The following ENOX1 variants were observed in gnomAD, a reference collection of about 807,000 sequenced individuals.
ENOX1 encodes ecto-NOX disulfide-thiol exchanger 1.
In ENOX1, 42 loss-of-function variants were observed where a neutral mutation model predicts 82.5. The observed-to-expected ratio is 0.51, with a 90% CI of 0.40 to 0.66. The LOEUF (loss-of-function observed/expected upper bound fraction) is 0.66. Among genes scored for constraint, ENOX1 ranks in the 30% least tolerant of loss-of-function variants. ENOX1 has a pLI of 0.00. For missense variants in ENOX1, 608 were observed against 811.6 expected (o/e 0.75, Z 3.05); for synonymous variants, 271 against 282.2 (o/e 0.96, Z 0.40).
intron 2 of ENOX1, among the ~76,000 whole-genome samples, chr13:43,551,219 G>T (rs2079180953): frequency 6.6e-6 from 1 of 152,060 alleles, no homozygotes; most frequent in South Asian, 2.1e-4. Flanking sequence ...ATTTGTCCAT[G>T]GTGAGGCTTC....
chr13:43,785,946 G>T (rs1189950703), intron 1 of ENOX1, among the ~76,000 whole-genome samples: 3 of 151,982 alleles, frequency 2.0e-5, no homozygotes, highest in African/African-American at 7.2e-5. Context: ...GCGTCCAGCG[G>T]CCGAGGCGCG....
intron 1 of ENOX1, among the ~76,000 whole-genome samples, chr13:43,683,371 T>G (rs2153799041): frequency 6.6e-6 from 1 of 152,102 alleles, no homozygotes; most frequent in South Asian, 2.1e-4. Context: ...AGGTCTGGGG[T>G]CCAGCTGGTG....
At chr13:43,661,927 A>C (rs1041203126) in intron 2 of ENOX1, among the ~76,000 whole-genome samples, 5 of 152,208 alleles carry the variant, frequency 3.3e-5, no homozygotes, top group African/African-American at 1.2e-4. Flanking sequence ...TAGAAGCCAA[A>C]TGTAAAAAAA....
Position 43,679,052 on chromosome 13 carries a change from G to GC in ENOX1, c.-284-11509dup, listed in dbSNP as rs1328106373. Among the ~76,000 whole-genome samples the GC allele has an allele frequency of 3.3e-5, 5 of 152,014 alleles. No homozygotes were observed. The East Asian group carries it at 7.7e-4, about 23-fold the overall frequency. Reference sequence around the variant, plus strand: ...AGGGAATTGAAGCTCACTCTTTTAGGCACTAATACTCTCTTCATTTGAAAG... The same window carrying GC: ...AGGGAATTGAAGCTCACTCTTTTAGGCCACTAATACTCTCTTCATTTGAAAG... On this transcript the variant is annotated intron_variant, in intron 1 of 16. Coordinates refer to ENST00000690772, the MANE Select transcript of ENOX1 (RefSeq NM_001347969.2).
intron 5 of ENOX1, among the ~76,000 whole-genome samples, chr13:43,373,227 T>C (rs9562483): frequency 0.046 from 7,023 of 152,066 alleles, 459 homozygotes; most frequent in African/African-American, 0.14. Context: ...TTTTATTATC[T>C]GTCCTAACTT....
chr13:43,560,824 T>C (rs1440771297), intron 2 of ENOX1, among the ~76,000 whole-genome samples: 1 of 152,148 alleles, frequency 6.6e-6, no homozygotes, highest in African/African-American at 2.4e-5. Flanking sequence ...GGTAACAAGG[T>C]CACCAGGATT....
At chr13:43,517,239 G>A (rs1365536560) in intron 2 of ENOX1, among the ~76,000 whole-genome samples, 1 of 152,172 alleles carries the variant, frequency 6.6e-6, no homozygotes, top group Non-Finnish European at 1.5e-5. Context: ...GCTGAAGCCT[G>A]TAATCCCAGC....
At chr13:43,512,731 T>C (rs878999568) in intron 2 of ENOX1, among the ~76,000 whole-genome samples, 3 of 151,786 alleles carry the variant, frequency 2.0e-5, no homozygotes, top group Non-Finnish European at 4.4e-5. Flanking sequence ...CATTTTTGCA[T>C]AGCAGTCACA....
chr13:43,288,239 C>T (rs1282685766), intron 12 of ENOX1, among the ~76,000 whole-genome samples: 8 of 152,184 alleles, frequency 5.3e-5, no homozygotes, highest in South Asian at 4.2e-4. Flanking sequence ...TTTTTAAAGC[C>T]GTGTAATCTG....
chr13:43,475,328 G>A (rs1028855891), intron 3 of ENOX1, among the ~76,000 whole-genome samples: 3 of 152,146 alleles, frequency 2.0e-5, no homozygotes, highest in African/African-American at 4.8e-5. Context: ...GGCCAGCGGA[G>A]CAGCAATAGG....
chr13:43,625,784 A>T (rs576381628), intron 2 of ENOX1, among the ~76,000 whole-genome samples: 1 of 152,042 alleles, frequency 6.6e-6, no homozygotes, highest in South Asian at 2.1e-4. Context: ...TTTATGATTG[A>T]TACTGGTAGA....
At chr13:43,490,021 C>T (rs182449508) in intron 2 of ENOX1, among the ~76,000 whole-genome samples, 3 of 152,310 alleles carry the variant, frequency 2.0e-5, no homozygotes, top group African/African-American at 7.2e-5. Context: ...TCACCACAAC[C>T]TCCACCTCCT....
intron 14 of ENOX1, among the ~76,000 whole-genome samples, chr13:43,260,650 A>G (rs1317308494): frequency 6.6e-6 from 1 of 152,260 alleles, no homozygotes; most frequent in African/African-American, 2.4e-5. Context: ...TCATCAAAAA[A>G]GATGCAAGAT....
chr13:43,776,823 G>GAAA (rs372000193), intron 1 of ENOX1, among the ~76,000 whole-genome samples: 1 of 139,940 alleles, frequency 7.1e-6, no homozygotes. Context: ...CACAGCTAGG[G>GAAA]AAAAAAAAAA....
intron 12 of ENOX1, 31 bp downstream of exon 12, chr13:43,298,315 C>CAAAA (rs35698699): frequency 8.1e-4 from 1,138 of 1,410,522 alleles, no homozygotes; most frequent in African/African-American, 1.8e-3. Flanking sequence ...CTCTTTCTCT[C>CAAAA]AAAAAAAAAA....
rs1453634041 is a variant in ENOX1 at position 43,613,248 on chromosome 13, T to G, written c.-219+54231A>C. Among the ~76,000 whole-genome samples the G allele has an allele frequency of 2.0e-5, 3 of 152,174 alleles. No homozygotes were observed. In the East Asian group the frequency reaches 5.8e-4, roughly 29 times the overall value. ...GTCAGAAATTGGTTCCCAAAGTTCA[T>G]TATATTTATTACAGTCAAAAACAGT... On this transcript the variant is annotated intron_variant, in intron 2 of 16. Coordinates refer to ENST00000690772, the MANE Select transcript of ENOX1 (RefSeq NM_001347969.2).
rs181673473 is a variant in ENOX1 at position 43,747,303 on chromosome 13, T to C, written c.-285+39349A>G. On this transcript the variant is annotated intron_variant, in intron 1 of 16. Coordinates refer to ENST00000690772, the MANE Select transcript of ENOX1 (RefSeq NM_001347969.2). ...GTTATGATACTATATGGTATTATTA[T>C]TGTGCACAAAAAGAAGGTATGGAAA... is the stretch of plus-strand genomic sequence containing the variant. Among the ~76,000 whole-genome samples, 473 of 152,310 alleles carry C rather than the reference T, an allele frequency of 3.1e-3. 3 individuals carry two copies. Among genetic ancestry groups the C allele is most frequent in the Non-Finnish European group, 4.5e-3 (309 of 68,022 alleles).
chr13:43,544,922 T>C (rs2078909022), intron 2 of ENOX1: 1 of 152,208 alleles, frequency 6.6e-6, no homozygotes. Flanking sequence ...AACAGTGGTT[T>C]TGCTCTGAAA....
chr13:43,320,487 T>C (rs955792314), intron 11 of ENOX1, among the ~76,000 whole-genome samples: 4 of 152,160 alleles, frequency 2.6e-5, no homozygotes, highest in Non-Finnish European at 4.4e-5. Flanking sequence ...TCTCCGTCGA[T>C]GCTTCTGCAG....
Sources: allele counts gnomAD v4.1 joint callset (sites outside exome capture counted in the v4.1 genomes callset), GRCh38; gene constraint gnomAD v4.1.1; transcripts MANE v1.5; gene names NCBI Gene and HGNC (gene_info 2026-07-23, HGNC 2026-07-21).